The following TMC3 variants were observed in gnomAD, a reference collection of about 807,000 sequenced individuals.
TMC3 encodes transmembrane channel like 3.
In TMC3, 98 loss-of-function variants were observed where a neutral mutation model predicts 110.6. The observed-to-expected ratio is 0.89, with a 90% CI of 0.75 to 1.05. The LOEUF (loss-of-function observed/expected upper bound fraction) is 1.05. Ranked by LOEUF, TMC3 falls within the 50% of genes least tolerant of loss-of-function variation. The pLI, the probability that TMC3 is intolerant of heterozygous loss-of-function variation, is 0.00. For synonymous variants in TMC3, 489 were observed against 513.1 expected, an observed-to-expected ratio of 0.95 and a Z score of 0.63; for missense variants, 1,319 against 1,373.2, an observed-to-expected ratio of 0.96 and a Z score of 0.62.
Position 81,346,351 on chromosome 15 carries a change from G to T in TMC3, c.1272+14C>A, listed in dbSNP as rs1020959650. On this transcript the variant is annotated intron_variant, in intron 12 of 21. Transcript: ENST00000359440. ...CAGAGGTGGGGCAGGCAACTATCTG[G>T]GATGGGCACTCACCTCAATGCTCAT... 1 of 1,612,604 alleles carries T rather than the reference G, an allele frequency of 6.2e-7. No homozygotes were observed. The highest frequency in any genetic ancestry group is 8.5e-7 in the Non-Finnish European group (1 of 1,179,138).
rs1167740522 is a variant in TMC3 at position 81,351,400 on chromosome 15, T to C, written c.1083+294A>G. On this transcript the variant is annotated intron_variant, in intron 10 of 21. Transcript: ENST00000359440. ...CAGAGTCTCGCGCTGTTGCTCACAC[T>C]GGAGTGCAGTGGCGTGATCTTGGCT... 3.4e-5 allele frequency among the ~76,000 whole-genome samples: 5 copies of C among 145,634 alleles called. No individual in the cohort carries two copies. The East Asian group carries it at 1.0e-3, about 29-fold the overall frequency.
intron 11 of TMC3, among the ~76,000 whole-genome samples, chr15:81,346,972 C>G (rs1243372763): frequency 1.3e-5 from 2 of 152,284 alleles, no homozygotes; most frequent in Admixed American, 6.5e-5. Flanking sequence ...AGGCTGGACC[C>G]CTCAGAAGCA....
Position 81,358,454 on chromosome 15 carries a change from G to C in TMC3, c.548C>G (p.Pro183Arg). Reference protein sequence around the residue: ...PFGSTARKTIPKEQVSSAQDL... With the variant: ...PFGSTARKTIRKEQVSSAQDL... ...TTGGGCAGACGAAACCTGCTCCTTG[G>C]GGATGGTCTTCCTGGCTGTGCTTCC... The change falls in exon 6 of 22, where the codon CCC (proline) becomes CGC (arginine). Residue 183 changes from proline (P) to arginine (R), a missense_variant. By Grantham distance (103) the Pro-to-Arg change is moderately radical. Coordinates refer to ENST00000359440, the MANE Select transcript of TMC3 (RefSeq NM_001080532.3). The C allele has an allele frequency of 1.2e-6, 2 of 1,613,724 alleles. No individual in the cohort carries two copies. Among genetic ancestry groups the C allele is most frequent in the Non-Finnish European group, 1.7e-6 (2 of 1,179,782 alleles).
chr15:81,348,627 T>C (rs1297630264), intron 11 of TMC3, among the ~76,000 whole-genome samples: 2 of 152,212 alleles, frequency 1.3e-5, no homozygotes, highest in Non-Finnish European at 2.9e-5. Flanking sequence ...CTTCCAGGCA[T>C]ATCTACAAGG....
rs1567058950 is a variant in TMC3 at position 81,331,850 on chromosome 15, C to G, written c.*569G>C. On this transcript the variant is annotated 3_prime_UTR_variant, in exon 22 of 22. Transcript: ENST00000359440. ...AACACACTGCGCATGCTCCCCTCCC[C>G]AGCGCTAGCAGGCCACTACTGCGCA... 6.7e-6 allele frequency: 1 copy of G among 150,290 alleles called. No homozygotes were observed. Among genetic ancestry groups the G allele is most frequent in the Non-Finnish European group, 1.5e-5 (1 of 68,396 alleles). The allele number at this position is 150,290 out of a possible 1,614,324, so 9.3% of individuals were successfully genotyped here. A position where few individuals can be genotyped will look rare whatever the true frequency, so the allele number is the denominator to read the frequency against.
chr15:81,349,759 CTTTT>C (rs532576010), intron 10 of TMC3, among the ~76,000 whole-genome samples, 192 bp from the exon 11 acceptor site: 1 of 129,454 alleles, frequency 7.7e-6, no homozygotes, highest in African/African-American at 3.0e-5. Flanking sequence ...TTATCATGGT[CTTTT>C]TTTTTTTTTT....
rs1894209301 is a variant in TMC3 at position 81,362,430 on chromosome 15, T to C, written c.313-129A>G. The C allele has an allele frequency of 4.3e-6, 3 of 695,566 alleles. No individual in the cohort carries two copies. In the South Asian group the frequency reaches 5.2e-5, roughly 12 times the overall value. 43.1% of individuals were successfully genotyped at this position (695,566 alleles called of 1,614,324 possible). ...ACCTTTAATTATGATTATGGCTTCA[T>C]AGGCCTTTAAGCTGCACTAGAACCA... On this transcript the variant is annotated intron_variant, in intron 3 of 21. Transcript: ENST00000359440.
At chr15:81,361,629 G>A (rs540546658) in intron 4 of TMC3, among the ~76,000 whole-genome samples, 2 of 151,946 alleles carry the variant, frequency 1.3e-5, no homozygotes, top group African/African-American at 2.4e-5. Context: ...TTATTTGATT[G>A]CATCAAACTT....
intron 11 of TMC3, among the ~76,000 whole-genome samples, chr15:81,348,548 C>T (rs1893873872): frequency 6.6e-6 from 1 of 152,232 alleles, no homozygotes; most frequent in South Asian, 2.1e-4. Context: ...CCCTCAGGTG[C>T]ATCAGCCTAC....
At chr15:81,335,010 T>C (rs1893561314) in intron 20 of TMC3, 35 bp from the exon 21 acceptor site, 1 of 1,606,996 alleles carries the variant, frequency 6.2e-7, no homozygotes, top group African/African-American at 1.3e-5. Context: ...AGAAGACAGG[T>C]GTCACTGAGC....
chr15:81,336,124 T>C (rs1893588822), intron 20 of TMC3: 1 of 152,572 alleles, frequency 6.6e-6, no homozygotes. Context: ...AAACAACATT[T>C]ATATCCCTAG....
rs765270729 is a variant in TMC3 at position 81,334,734 on chromosome 15, C to T, written c.2445G>A (p.Glu815=). The stretch of plus-strand genomic sequence containing the variant: ...TGGAGCCTCACCTGTTAGTTTCATG[C>T]TCTAGCCTGGATTTGGGGACCCCAG... The part of the protein sequence containing the change: ...PLPGVPKSRL[E]HETNRYLHGL... The change falls in exon 21 of 22, where the codon GAG becomes GAA. Residue 815 remains glutamate, a synonymous_variant. Coordinates refer to ENST00000359440, the MANE Select transcript of TMC3 (RefSeq NM_001080532.3). 11 of 1,613,766 alleles carry T rather than the reference C, an allele frequency of 6.8e-6. No individual in the cohort carries two copies. Among genetic ancestry groups the T allele is most frequent in the Non-Finnish European group, 9.3e-6 (11 of 1,179,838 alleles).
At chr15:81,337,360 G>A (rs1893619830) in intron 19 of TMC3, among the ~76,000 whole-genome samples, 1 of 152,154 alleles carries the variant, frequency 6.6e-6, no homozygotes, top group African/African-American at 2.4e-5. Flanking sequence ...GTCTCCCTGG[G>A]ACTGCTCTGA....
At chr15:81,359,550 A>C (rs941460386) in intron 4 of TMC3, 79 bp from the exon 5 acceptor site, 15 of 989,556 alleles carry the variant, frequency 1.5e-5, no homozygotes, top group Non-Finnish European at 2.1e-5. Context: ...GAACACCATA[A>C]TTTTTTTTAC....
intron 21 of TMC3, among the ~76,000 whole-genome samples, chr15:81,333,841 A>G (rs1567059985): frequency 2.0e-5 from 3 of 152,034 alleles, no homozygotes; most frequent in Admixed American, 1.3e-4. Flanking sequence ...ATACAAAAAA[A>G]TAGCCGGGTG....
rs1893560316 is a variant in TMC3, at chr15:81,334,967, G to A, written c.2212C>T (p.Gln738Ter). 2 of 1,613,700 alleles carry A rather than the reference G, an allele frequency of 1.2e-6. No homozygotes were observed. Among genetic ancestry groups the A allele is most frequent in the East Asian group, 4.5e-5 (2 of 44,876 alleles). ...KVAQMVEARIQTQEESTKKLP... is the reference protein window; with the variant it reads ...KVAQMVEARI Reference sequence around the variant, plus strand: ...TTCTTGGTGCTTTCTTCCTGGGTCTGGATTCGGGCTGCAGGGAGAGGGAGG... The same window carrying A: ...TTCTTGGTGCTTTCTTCCTGGGTCTAGATTCGGGCTGCAGGGAGAGGGAGG... Residue 738 changes from glutamine to a stop codon, truncating the protein, a stop_gained, in exon 21 of 22, where the codon CAG becomes TAG. Transcript: ENST00000359440. LOFTEE classifies it high-confidence loss of function.
At position 81,351,972 on chromosome 15, in the gene TMC3, C is replaced by T. The variant is rs553294580; in HGVS notation, c.936-131G>A. 18 of 1,048,162 alleles carry T rather than the reference C, an allele frequency of 1.7e-5. No individual in the cohort carries two copies. In the South Asian group the frequency reaches 2.9e-4, roughly 17 times the overall value. 64.9% of individuals were successfully genotyped at this position (1,048,162 alleles called of 1,614,324 possible). On this transcript the variant is annotated intron_variant, in intron 9 of 21. Coordinates refer to ENST00000359440, the MANE Select transcript of TMC3 (RefSeq NM_001080532.3). ...GATTCTCTGCCCTGAAGCATCAATG[C>T]ACTTCCAGCCCACCCCACCCAGCAC...
At chr15:81,364,968 A>AACATGGTTT (rs1352952819) in intron 3 of TMC3, among the ~76,000 whole-genome samples, 2 of 151,710 alleles carry the variant, frequency 1.3e-5, no homozygotes, top group Non-Finnish European at 2.9e-5. Context: ...ATGTATAACA[A>AACATGGTTT]ACATGGTTTG....
intron 21 of TMC3, among the ~76,000 whole-genome samples, 158 bp from the exon 22 acceptor site, chr15:81,333,420 C>T (rs1410655111): frequency 6.6e-6 from 1 of 152,136 alleles, no homozygotes; most frequent in Non-Finnish European, 1.5e-5. Context: ...ATTTGGGGGA[C>T]AGGGCTAAAC....
Sources: gnomAD v4.1 joint callset for allele counts (sites outside exome capture counted in the v4.1 genomes callset) on GRCh38, gnomAD v4.1.1 for gene constraint, MANE v1.5 for transcripts, NCBI Gene and HGNC (gene_info 2026-07-23, HGNC 2026-07-21) for gene names.